Variants in SAMD3 observed in about 807,000 individuals in gnomAD.
SAMD3 encodes the protein sterile alpha motif domain-containing protein 3.
SAMD3 carries 63 observed loss-of-function variants against 58.5 expected under a neutral mutation model. The observed-to-expected ratio is 1.08, with a 90% CI of 0.88 to 1.33. The LOEUF (loss-of-function observed/expected upper bound fraction) is 1.33, where lower values mean the gene tolerates loss of function less well. Ranked by LOEUF, SAMD3 falls within the 40% of genes most tolerant of loss-of-function variation. SAMD3 has a pLI of 0.00. For synonymous variants in SAMD3, 220 were observed against 210.3 expected, an observed-to-expected ratio of 1.05 and a Z score of -0.40; for missense variants, 604 against 608.4, an observed-to-expected ratio of 0.99 and a Z score of 0.08.
chr6:130,308,717 T>C (rs990542), intron 2 of SAMD3, among the ~76,000 whole-genome samples: 24,904 of 152,094 alleles, frequency 0.16, 2,266 homozygotes, highest in East Asian at 0.36. Flanking sequence ...TAAATCAGGA[T>C]GCTGAAACAC....
intron 5 of SAMD3, among the ~76,000 whole-genome samples, chr6:130,198,275 C>G (rs777319842): frequency 2.6e-5 from 4 of 152,168 alleles, no homozygotes; most frequent in Non-Finnish European, 5.9e-5. Flanking sequence ...ACAATGATGA[C>G]TCACTGCAGC....
intron 2 of SAMD3, among the ~76,000 whole-genome samples, chr6:130,276,348 T>A (rs1774774678): frequency 6.6e-6 from 1 of 152,152 alleles, no homozygotes; most frequent in South Asian, 2.1e-4. Flanking sequence ...ATCATTGTGG[T>A]AATGAATTAT....
chr6:130,210,780 G>T (rs984320427), intron 4 of SAMD3, among the ~76,000 whole-genome samples: 1 of 151,934 alleles, frequency 6.6e-6, no homozygotes, highest in African/African-American at 2.4e-5. Flanking sequence ...TAGAATTGAG[G>T]AAAAGGTGAC....
rs1966965 is a variant in SAMD3, at chr6:130,284,133, G to C, written c.-188+28845C>G. On this transcript the variant is annotated intron_variant, in intron 2 of 13. Coordinates refer to the SAMD3 transcript ENST00000368134. ...CTCCCAAAGTGTTGGGATTATAGGCGTGAGCCACCATGCCCGGCCTAAGAA... is the reference window on the plus strand; with the variant it reads ...CTCCCAAAGTGTTGGGATTATAGGCCTGAGCCACCATGCCCGGCCTAAGAA... Among the ~76,000 whole-genome samples, 3 of 152,142 alleles carry C rather than the reference G, an allele frequency of 2.0e-5. No homozygotes were observed. The East Asian group carries it at 5.8e-4, about 29-fold the overall frequency.
At chr6:130,215,976 T>C in intron 2 of SAMD3, 1 of 639,758 alleles carries the variant, frequency 1.6e-6, no homozygotes, top group Non-Finnish European at 2.6e-6. Flanking sequence ...GACACTGTTA[T>C]GATTGGTAAG....
chr6:130,333,448 C>A (rs963525870), intron 1 of SAMD3, among the ~76,000 whole-genome samples: 1 of 152,112 alleles, frequency 6.6e-6, no homozygotes, highest in African/African-American at 2.4e-5. Flanking sequence ...TATATTGTAA[C>A]TTAAGTATGA....
intron 4 of SAMD3, among the ~76,000 whole-genome samples, chr6:130,211,546 A>T (rs1042772968): frequency 2.6e-5 from 4 of 151,430 alleles, no homozygotes; most frequent in Non-Finnish European, 4.4e-5. Context: ...GGCCTCCCAA[A>T]GTGCTGGCAT....
intron 5 of SAMD3, among the ~76,000 whole-genome samples, chr6:130,196,841 AG>A (rs1277849112): frequency 1.3e-5 from 2 of 152,196 alleles, no homozygotes; most frequent in African/African-American, 4.8e-5. Flanking sequence ...CCTTTCCTAC[AG>A]GGTCTGAGAA....
chr6:130,349,040 G>A (rs1410503099), intron 1 of SAMD3, among the ~76,000 whole-genome samples: 1 of 151,990 alleles, frequency 6.6e-6, no homozygotes, highest in African/African-American at 2.4e-5. Flanking sequence ...CGAGAACAAA[G>A]ACACAACATA....
rs1788422180 is a variant in SAMD3 at position 130,144,352 on chromosome 6, GAACTT to G, written c.*163_*167del. 6.8e-6 allele frequency: 4 copies of G among 589,136 alleles called. No homozygotes were observed. Among genetic ancestry groups the G allele is most frequent in the African/African-American group, 1.9e-5 (1 of 52,918 alleles). The allele number at this position is 589,136 out of a possible 1,614,324, so 36.5% of individuals were successfully genotyped here. A position where few individuals can be genotyped will look rare whatever the true frequency, so the allele number is the denominator to read the frequency against. ...GAATTTTATTACAGAATTTCACAAA[GAACTT>G]AATATCTAAGTGTAAAGATAGAAAG... On this transcript the variant is annotated 3_prime_UTR_variant, in exon 12 of 12. Transcript: ENST00000439090.
chr6:130,292,271 CTTT>C (rs397885432), intron 2 of SAMD3, among the ~76,000 whole-genome samples: 5 of 114,078 alleles, frequency 4.4e-5, no homozygotes, highest in African/African-American at 1.4e-4. Context: ...TTCTTTCTTT[CTTT>C]TTTTTTTTTT....
intron 2 of SAMD3, among the ~76,000 whole-genome samples, chr6:130,244,397 C>T (rs1048484805): frequency 2.0e-5 from 3 of 152,098 alleles, no homozygotes; most frequent in Admixed American, 2.0e-4. Flanking sequence ...TATGCAATCT[C>T]CGGTAAAGTA....
intron 2 of SAMD3, chr6:130,215,751 C>T (rs1244269828): frequency 6.6e-7 from 1 of 1,508,480 alleles, no homozygotes; most frequent in African/African-American, 1.4e-5. Flanking sequence ...AAAAGCCTGA[C>T]AGAGATACTT....
chr6:130,360,772 C>T (rs146222642), intron 1 of SAMD3, among the ~76,000 whole-genome samples: 4,127 of 152,178 alleles, frequency 0.027, 74 homozygotes, highest in Non-Finnish European at 0.041. Context: ...TTATTTCATC[C>T]CTACAGTTTC....
At chr6:130,175,028 A>C (rs920280386) in intron 8 of SAMD3, among the ~76,000 whole-genome samples, 1 of 152,258 alleles carries the variant, frequency 6.6e-6, no homozygotes, top group African/African-American at 2.4e-5. Flanking sequence ...AAAATAGAAT[A>C]TTTACACCAA....
upstream of SAMD3, among the ~76,000 whole-genome samples, chr6:130,226,074 AGCGCC>A (rs1418384197): frequency 6.6e-6 from 1 of 152,174 alleles, no homozygotes; most frequent in East Asian, 1.9e-4. Context: ...AATTCAGGAC[AGCGCC>A]GCTTTTCCCA....
intron 1 of SAMD3, among the ~76,000 whole-genome samples, chr6:130,313,575 T>C (rs571010461): frequency 6.3e-4 from 96 of 152,334 alleles, no homozygotes; most frequent in African/African-American, 2.2e-3. Context: ...GTAGACTCTA[T>C]TAAATTCCCT....
chr6:130,228,567 G>A (rs1796451263), intron 2 of SAMD3, among the ~76,000 whole-genome samples: 1 of 152,172 alleles, frequency 6.6e-6, no homozygotes, highest in Non-Finnish European at 1.5e-5. Context: ...GTGGGTCATA[G>A]GTATTTTTTA....
intron 2 of SAMD3, among the ~76,000 whole-genome samples, chr6:130,276,879 G>C (rs1774795076): frequency 6.6e-6 from 1 of 152,090 alleles, no homozygotes; most frequent in South Asian, 2.1e-4. Context: ...ATGAAAATAG[G>C]GGTGTGGAAA....
Sources: gnomAD v4.1 joint callset for allele counts (sites outside exome capture counted in the v4.1 genomes callset) on GRCh38, gnomAD v4.1.1 for gene constraint, MANE v1.5 for transcripts, NCBI Gene and HGNC (gene_info 2026-07-23, HGNC 2026-07-21) for gene names.